Variants in WDR97 observed in about 807,000 individuals in gnomAD.
The protein encoded by WDR97 is WD repeat domain 97, also known as WD repeat-containing protein 97.
A neutral mutation model predicts 65.4 loss-of-function variants in WDR97; 111 were observed. That is an observed-to-expected ratio of 1.70 (90% CI 1.45 to 1.99). The LOEUF is 1.99. Among genes scored for constraint, WDR97 ranks in the 30% most tolerant of loss-of-function variants. WDR97 has a pLI of 0.00. For missense variants in WDR97, 1,674 were observed against 865.0 expected (o/e 1.94, Z -11.73); for synonymous variants, 802 against 397.7 (o/e 2.02, Z -12.10).
At position 144,110,753 on chromosome 8, in the gene WDR97, T is replaced by G. The variant is rs1220575070; in HGVS notation, c.2171+14T>G. ...CCGCCTCCTGCGGTAGGCTAGGAGG[T>G]GGGGAGGGCTGGGGTCTCCTACCTC... On this transcript the variant is annotated intron_variant, in intron 8 of 23. Coordinates refer to ENST00000323662, the MANE Select transcript of WDR97 (RefSeq NM_001316309.2). The G allele has an allele frequency of 4.3e-6, 3 of 702,404 alleles. No individual in the cohort carries two copies. The highest frequency in any genetic ancestry group is 5.4e-5 in the East Asian group (2 of 37,286). The allele number at this position is 702,404 out of a possible 1,614,324, so 43.5% of individuals were successfully genotyped here.
rs1376967135 is a variant in WDR97, at chr8:144,114,438, T to C, written c.3755T>C (p.Val1252Ala). Residue 1252 changes from valine (V) to alanine (A), a missense_variant, in exon 19 of 24, where the codon GTA becomes GCA. Coordinates refer to ENST00000323662, the MANE Select transcript of WDR97 (RefSeq NM_001316309.2). ...DLQGQLQGLL[V>A]HLLNLDQPPS... The stretch of plus-strand genomic sequence containing the variant: ...CAAGGCCAGCTGCAGGGCCTGCTCG[T>C]ACACTTGCTCAACCTGGACCAGCCC... 4 of 702,706 alleles carry C rather than the reference T, an allele frequency of 5.7e-6. No individual in the cohort carries two copies. The highest frequency in any genetic ancestry group is 3.5e-5 in the African/African-American group (2 of 57,236). 43.5% of individuals were successfully genotyped at this position (702,706 alleles called of 1,614,324 possible). A position where few individuals can be genotyped will look rare whatever the true frequency, so the allele number is the denominator to read the frequency against.
intron 1 of WDR97, 98 bp from the exon 2 acceptor site, chr8:144,107,961 C>G: frequency 1.4e-6 from 1 of 701,244 alleles, no homozygotes; most frequent in Non-Finnish European, 2.6e-6. Flanking sequence ...CCTGGGCAGT[C>G]CCTGGTAGGG....
Position 144,108,356 on chromosome 8 carries a change from G to A in WDR97, c.290G>A (p.Gly97Glu). The stretch of plus-strand genomic sequence containing the variant: ...CTGCGCGCGGCGCGCCTGACGCATG[G>A]GCTGGAACCACTGCGCCGCCTGGAG... ...AELRAARLTH[G>E]LEPLRRLEVA... Residue 97 changes from glycine to glutamate, a missense_variant, in exon 3 of 24, where the codon GGG becomes GAG. Transcript: ENST00000323662. The A allele has an allele frequency of 2.9e-6, 2 of 696,988 alleles. No individual in the cohort carries two copies. The highest frequency in any genetic ancestry group is 5.2e-6 in the Non-Finnish European group (2 of 383,120). The allele number at this position is 696,988 out of a possible 1,614,324, so 43.2% of individuals were successfully genotyped here.
chr8:144,107,991 C>G (rs1344787533), intron 1 of WDR97, 68 bp from the exon 2 acceptor site: 1 of 701,364 alleles, frequency 1.4e-6, no homozygotes, highest in East Asian at 2.7e-5. Context: ...TGGAGGAGGG[C>G]TCCCCATAAC....
intron 11 of WDR97, 70 bp downstream of exon 11, chr8:144,111,556 G>A (rs1484450287): frequency 5.8e-6 from 4 of 688,328 alleles, no homozygotes; most frequent in African/African-American, 1.8e-5. Flanking sequence ...GGGCAGGCCT[G>A]GGATCCCCAT....
intron 16 of WDR97, 35 bp from the exon 17 acceptor site, chr8:144,113,622 C>A: frequency 1.5e-6 from 1 of 653,394 alleles, no homozygotes; most frequent in Non-Finnish European, 2.8e-6. Flanking sequence ...GCTGTCCTTG[C>A]AACCCATCAG....
At position 144,110,944 on chromosome 8, in the gene WDR97, G is replaced by A. The variant is rs746916764; in HGVS notation, c.2252G>A (p.Arg751His). 7.7e-5 allele frequency: 54 copies of A among 702,658 alleles called. No individual in the cohort carries two copies. Among genetic ancestry groups the A allele is most frequent in the South Asian group, 5.8e-4 (39 of 67,600 alleles). 43.5% of individuals were successfully genotyped at this position (702,658 alleles called of 1,614,324 possible). The change falls in exon 9 of 24, where the codon CGC (arginine) becomes CAC (histidine). Residue 751 changes from arginine (R) to histidine (H), a missense_variant. Coordinates refer to ENST00000323662, the MANE Select transcript of WDR97 (RefSeq NM_001316309.2). ...SGDLVLALGS[R>H]LCLVSHRLYL... Reference sequence around the variant, plus strand: ...GACCTGGTGCTGGCGCTGGGATCCCGCCTCTGCCTGGTGTCCCACAGGCTC... The same window carrying A: ...GACCTGGTGCTGGCGCTGGGATCCCACCTCTGCCTGGTGTCCCACAGGCTC...
rs1008313800 is a variant in WDR97, at chr8:144,114,381, T to A, written c.3698T>A (p.Leu1233Gln). 2.8e-6 allele frequency: 2 copies of A among 702,714 alleles called. No individual in the cohort carries two copies. The highest frequency in any genetic ancestry group is 3.5e-5 in the African/African-American group (2 of 57,254). 43.5% of individuals were successfully genotyped at this position (702,714 alleles called of 1,614,324 possible). A position where few individuals can be genotyped will look rare whatever the true frequency, so the allele number is the denominator to read the frequency against. ...CGTGTGCACATCCTGCAGGTGCTAC[T>A]GAGACTGCTGCCCAACATGAGCAGT... is the stretch of plus-strand genomic sequence containing the variant. ...VDRVHILQVL[L>Q]RLLPNMSSDL... The change falls in exon 19 of 24, where the codon CTG (leucine) becomes CAG (glutamine). Residue 1233 changes from leucine to glutamine, a missense_variant. Leu to Gln is a moderately radical substitution (Grantham distance 113). Transcript: ENST00000323662.
chr8:144,108,065 C>G lies in WDR97; in HGVS notation c.119C>G (p.Thr40Ser). The G allele has an allele frequency of 1.4e-6, 1 of 702,796 alleles. No homozygotes were observed. The highest frequency in any genetic ancestry group is 2.6e-6 in the Non-Finnish European group (1 of 385,014). 43.5% of individuals were successfully genotyped at this position (702,796 alleles called of 1,614,324 possible). A position where few individuals can be genotyped will look rare whatever the true frequency, so the allele number is the denominator to read the frequency against. The stretch of plus-strand genomic sequence containing the variant: ...TTCCAGTTCCTGCCCGCAGAGTTGA[C>G]TTTCACGGAGCCGTCGCAGGTCCTG... ...PGLLTEKNELTFTEPSQVLPF... is the reference protein window; with the variant it reads ...PGLLTEKNELSFTEPSQVLPF... Residue 40 changes from threonine (T) to serine (S), a missense_variant, in exon 2 of 24, where the codon ACT becomes AGT. Coordinates refer to ENST00000323662, the MANE Select transcript of WDR97 (RefSeq NM_001316309.2).
Position 144,110,925 on chromosome 8 carries a change from G to A in WDR97, c.2233G>A (p.Val745Met), listed in dbSNP as rs1179982139. 1.4e-6 allele frequency: 1 copy of A among 702,816 alleles called. No homozygotes were observed. Among genetic ancestry groups the A allele is most frequent in the South Asian group, 1.5e-5 (1 of 67,602 alleles). 43.5% of individuals were successfully genotyped at this position (702,816 alleles called of 1,614,324 possible). The stretch of plus-strand genomic sequence containing the variant: ...TTTCTGCAGCAACAGTGGAGACCTG[G>A]TGCTGGCGCTGGGATCCCGCCTCTG... ...LAFCSNSGDL[V>M]LALGSRLCLV... The change falls in exon 9 of 24, where the codon GTG (valine) becomes ATG (methionine). Residue 745 changes from valine (V) to methionine (M), a missense_variant. By Grantham distance (21) the Val-to-Met change is conservative (BLOSUM62 1). Coordinates refer to ENST00000323662, the MANE Select transcript of WDR97 (RefSeq NM_001316309.2).
Position 144,114,593 on chromosome 8 carries a change from C to G in WDR97, c.3832C>G (p.Leu1278Val), listed in dbSNP as rs1476186429. The change falls in exon 20 of 24, where the codon CTG (leucine) becomes GTG (valine). Residue 1278 changes from leucine to valine, a missense_variant. Physicochemically the swap from Leu to Val is conservative, Grantham distance 32 (BLOSUM62 1). Transcript: ENST00000323662. ...GAAGTTCGTGATACTGGCGCTGCAG[C>G]TGCTCCTGGCCTGCTCCCTGGAGTC... Reference protein sequence around the residue: ...QKKFVILALQLLLACSLESRD... With the variant: ...QKKFVILALQVLLACSLESRD... 3 of 702,804 alleles carry G rather than the reference C, an allele frequency of 4.3e-6. No individual in the cohort carries two copies. Among genetic ancestry groups the G allele is most frequent in the South Asian group, 3.0e-5 (2 of 67,606 alleles). 43.5% of individuals were successfully genotyped at this position (702,804 alleles called of 1,614,324 possible).
rs950655463 is a variant in WDR97 at position 144,111,283 on chromosome 8, C to G, written c.2426+61C>G. On this transcript the variant is annotated intron_variant, in intron 10 of 23. Transcript: ENST00000323662. ...CTCCTTTCCCACTCTGGGTGGGGGC[C>G]TGGCGGTGTGGGGCCCTCTGGAGTT... 4.3e-6 allele frequency: 3 copies of G among 702,592 alleles called. No homozygotes were observed. The African/African-American group carries it at 5.2e-5, about 12-fold the overall frequency. The allele number at this position is 702,592 out of a possible 1,614,324, so 43.5% of individuals were successfully genotyped here.
intron 21 of WDR97, 43 bp from the exon 22 acceptor site, chr8:144,115,298 G>A (rs535659725): frequency 1.0e-4 from 60 of 578,048 alleles, no homozygotes; most frequent in African/African-American, 9.6e-4. Context: ...TGGTGGTGCT[G>A]CCCAAGGTCT....
Position 144,111,105 on chromosome 8 carries a change from T to G in WDR97, c.2309T>G (p.Met770Arg). 1 of 702,834 alleles carries G rather than the reference T, an allele frequency of 1.4e-6. No individual in the cohort carries two copies. The highest frequency in any genetic ancestry group is 1.5e-5 in the South Asian group (1 of 67,610). 43.5% of individuals were successfully genotyped at this position (702,834 alleles called of 1,614,324 possible). Reference sequence around the variant, plus strand: ...CAGGCTCCTTCCCCTATTCAGAAGATGTGCCGGAAGGCCCCAGACGTGGTG... The same window carrying G: ...CAGGCTCCTTCCCCTATTCAGAAGAGGTGCCGGAAGGCCCCAGACGTGGTG... ...YLPTSYLVKK[M>R]CRKAPDVVDD... The change falls in exon 10 of 24, where the codon ATG becomes AGG. Residue 770 changes from methionine (M) to arginine (R), a missense_variant. Physicochemically the swap from Met to Arg is moderately conservative, Grantham distance 91 (BLOSUM62 -1). Transcript: ENST00000323662.
chr8:144,107,846 G>A lies in WDR97; in HGVS notation c.96G>A (p.Leu32=). 1.4e-6 allele frequency: 1 copy of A among 702,836 alleles called. No homozygotes were observed. The highest frequency in any genetic ancestry group is 2.6e-6 in the Non-Finnish European group (1 of 384,990). The allele number at this position is 702,836 out of a possible 1,614,324, so 43.5% of individuals were successfully genotyped here. The change falls in exon 1 of 24, where the codon CTG becomes CTA. Residue 32 remains leucine, a synonymous_variant. Coordinates refer to ENST00000323662, the MANE Select transcript of WDR97 (RefSeq NM_001316309.2). ...GCTATGATGTCCCAGACCCTGGGCT[G>A]CTCACCGAAAAGAATGGTGAGGGGG... is the stretch of plus-strand genomic sequence containing the variant. ...ADGYDVPDPG[L]LTEKNELTFT...
intron 21 of WDR97, 87 bp downstream of exon 21, chr8:144,114,998 G>T: frequency 1.6e-6 from 1 of 616,434 alleles, no homozygotes; most frequent in Admixed American, 2.8e-5. Context: ...GCCAGCTGAG[G>T]CCACAGGCTC....
chr8:144,107,782 A>G lies in WDR97; in HGVS notation c.32A>G (p.Tyr11Cys), dbSNP rs537345543. 1.3e-5 allele frequency: 9 copies of G among 702,704 alleles called. No homozygotes were observed. Among genetic ancestry groups the G allele is most frequent in the Middle Eastern group, 2.3e-4 (1 of 4,392 alleles). The allele number at this position is 702,704 out of a possible 1,614,324, so 43.5% of individuals were successfully genotyped here. A position where few individuals can be genotyped will look rare whatever the true frequency, so the allele number is the denominator to read the frequency against. Residue 11 changes from tyrosine (Y) to cysteine (C), a missense_variant, in exon 1 of 24, where the codon TAC (tyrosine) becomes TGC (cysteine). By Grantham distance (194) the Tyr-to-Cys change is radical. Coordinates refer to ENST00000323662, the MANE Select transcript of WDR97 (RefSeq NM_001316309.2). MEAEVWEAEG[Y>C]NLVLDSDLYD... ...GCAGAGGTGTGGGAGGCAGAAGGCT[A>G]CAACCTAGTTCTGGACTCGGACCTG...
In WDR97 at chr8:144,114,575, G is replaced by A. The variant is rs141970586; in HGVS notation, c.3814G>A (p.Val1272Met). The part of the protein sequence containing the change: ...SLQDQTQKKF[V>M]ILALQLLLAC... ...TCAGGACCAGACACAGAAGAAGTTC[G>A]TGATACTGGCGCTGCAGCTGCTCCT... The change falls in exon 20 of 24, where the codon GTG becomes ATG. Residue 1272 changes from valine to methionine, a missense_variant. Transcript: ENST00000323662. The A allele has an allele frequency of 2.6e-4, 181 of 702,808 alleles. 2 individuals carry two copies. Among genetic ancestry groups the A allele is most frequent in the South Asian group, 1.4e-3 (93 of 67,594 alleles). 43.5% of individuals were successfully genotyped at this position (702,808 alleles called of 1,614,324 possible).
intron 18 of WDR97, 47 bp downstream of exon 18, chr8:144,114,209 G>A: frequency 1.4e-6 from 1 of 696,530 alleles, no homozygotes; most frequent in Non-Finnish European, 2.6e-6. Context: ...TAGGGTGAGG[G>A]ACAGGGGAGA....
Sources: allele counts gnomAD v4.1 joint callset, GRCh38; gene constraint gnomAD v4.1.1; transcripts MANE v1.5; gene names NCBI Gene and HGNC (gene_info 2026-07-23, HGNC 2026-07-21).